Variants in ROR1 observed in about 807,000 individuals in gnomAD.
The protein encoded by ROR1 is inactive tyrosine-protein kinase transmembrane receptor ROR1.
A neutral mutation model predicts 78.8 loss-of-function variants in ROR1; 19 were observed. The ratio of observed to expected loss-of-function variants is 0.24; its 90% CI spans 0.17 to 0.35. The LOEUF (loss-of-function observed/expected upper bound fraction) is 0.35. Ranked by LOEUF, ROR1 falls within the 10% of genes least tolerant of loss-of-function variation. The pLI is 1.00. For synonymous variants in ROR1, 386 were observed against 433.6 expected (o/e 0.89, Z 1.36); for missense variants, 917 against 1,177.8 (o/e 0.78, Z 3.24).
chr1:63,977,883 A>G (rs1447786838), intron 1 of ROR1, among the ~76,000 whole-genome samples: 1 of 152,172 alleles, frequency 6.6e-6, no homozygotes, highest in African/African-American at 2.4e-5. Flanking sequence ...TAGAAGGAAA[A>G]TATTTGTATC....
intron 4 of ROR1, among the ~76,000 whole-genome samples, chr1:64,067,835 C>A (rs1460896794): frequency 6.6e-6 from 1 of 151,588 alleles, no homozygotes. Flanking sequence ...GCCTCAGCCT[C>A]CTGAGTAGCT....
At chr1:63,852,209 C>G (rs945593919) in intron 1 of ROR1, among the ~76,000 whole-genome samples, 1 of 152,264 alleles carries the variant, frequency 6.6e-6, no homozygotes, top group East Asian at 1.9e-4. Flanking sequence ...GAAACTTGCC[C>G]CATATGCACA....
At chr1:64,046,343 C>T (rs560380939) in intron 2 of ROR1, among the ~76,000 whole-genome samples, 1 of 151,010 alleles carries the variant, frequency 6.6e-6, no homozygotes, top group Non-Finnish European at 1.5e-5. Context: ...AAATTTGAAA[C>T]TTCTTCTTCG....
chr1:63,923,346 T>C (rs1296842343), intron 1 of ROR1, among the ~76,000 whole-genome samples: 1 of 152,112 alleles, frequency 6.6e-6, no homozygotes, highest in African/African-American at 2.4e-5. Context: ...CTCAATGTCT[T>C]TGAGTCTCAG....
intron 1 of ROR1, among the ~76,000 whole-genome samples, chr1:63,805,750 C>T (rs1227991199): frequency 2.0e-5 from 3 of 152,214 alleles, no homozygotes; most frequent in Non-Finnish European, 2.9e-5. Flanking sequence ...TACAGTGGCT[C>T]ATGCCTGTAA....
At chr1:63,910,742 A>G (rs1176495308) in intron 1 of ROR1, among the ~76,000 whole-genome samples, 1 of 152,138 alleles carries the variant, frequency 6.6e-6, no homozygotes, top group Non-Finnish European at 1.5e-5. Context: ...TGGTTCATCC[A>G]TGTGACTCCC....
rs1243979657 is a variant in ROR1 at position 63,857,156 on chromosome 1, AG to A, written c.91+82649del. Among the ~76,000 whole-genome samples, 27 of 140,524 alleles carry A rather than the reference AG, an allele frequency of 1.9e-4. No individual in the cohort carries two copies. In the South Asian group the frequency reaches 5.0e-3, roughly 26 times the overall value. 92.2% of individuals were successfully genotyped at this position (140,524 alleles called of 152,430 possible). ...TATCTGTTGTTGAACAACTTTCAGA[AG>A]TTTTTTTTTTTTTTTACAGAAATGA... On this transcript the variant is annotated intron_variant, in intron 1 of 8. Coordinates refer to ENST00000371079, the MANE Select transcript of ROR1 (RefSeq NM_005012.4).
At chr1:64,115,927 A>G (rs1242009443) in intron 4 of ROR1, among the ~76,000 whole-genome samples, 1 of 152,220 alleles carries the variant, frequency 6.6e-6, no homozygotes, top group Non-Finnish European at 1.5e-5. Flanking sequence ...ACACCTGCCA[A>G]TAAATGGTCA....
chr1:63,976,464 A>G (rs1646161585), intron 1 of ROR1, among the ~76,000 whole-genome samples: 1 of 152,226 alleles, frequency 6.6e-6, no homozygotes, highest in Admixed American at 6.5e-5. Context: ...ATATTGCTCC[A>G]GGTAATGCCA....
intron 1 of ROR1, among the ~76,000 whole-genome samples, chr1:63,998,415 T>A (rs1014176045): frequency 6.6e-6 from 1 of 152,190 alleles, no homozygotes; most frequent in African/African-American, 2.4e-5. Context: ...AGCATCCTTC[T>A]GTTTGAGGTC....
intron 2 of ROR1, among the ~76,000 whole-genome samples, chr1:64,027,806 G>A (rs1646626410): frequency 6.6e-6 from 1 of 151,756 alleles, no homozygotes; most frequent in Non-Finnish European, 1.5e-5. Context: ...TCCTGCCTCA[G>A]CCTCCTGAGT....
At chr1:64,031,115 G>A (rs1040800805) in intron 2 of ROR1, among the ~76,000 whole-genome samples, 1 of 152,090 alleles carries the variant, frequency 6.6e-6, no homozygotes, top group African/African-American at 2.4e-5. Flanking sequence ...CAACCCGCCC[G>A]CCTCTGCCTC....
intron 1 of ROR1, among the ~76,000 whole-genome samples, chr1:63,876,685 C>T (rs376628818): frequency 2.1e-4 from 26 of 120,966 alleles, no homozygotes; most frequent in East Asian, 6.5e-4. Context: ...TGTGTGTGCG[C>T]GTGTGTGTGT....
intron 1 of ROR1, among the ~76,000 whole-genome samples, chr1:63,942,439 T>C (rs1233200959): frequency 6.6e-6 from 1 of 152,206 alleles, no homozygotes; most frequent in African/African-American, 2.4e-5. Context: ...TGTACCATTT[T>C]TTTTTCATAT....
chr1:64,044,483 G>GA (rs200697362), intron 2 of ROR1, among the ~76,000 whole-genome samples: 24 of 150,276 alleles, frequency 1.6e-4, no homozygotes, highest in South Asian at 2.1e-4. Context: ...TAGTTGAAAA[G>GA]AAAAAAAAAG....
chr1:63,887,616 T>C (rs1452614030), intron 1 of ROR1, among the ~76,000 whole-genome samples: 2 of 152,176 alleles, frequency 1.3e-5, no homozygotes, highest in Non-Finnish European at 2.9e-5. Context: ...TCTATCACCA[T>C]AGTTTATACA....
chr1:64,068,779 A>G (rs1646978297), intron 4 of ROR1, among the ~76,000 whole-genome samples: 1 of 152,144 alleles, frequency 6.6e-6, no homozygotes, highest in Admixed American at 6.5e-5. Flanking sequence ...TGACAGATGT[A>G]GGAGATTATA....
chr1:64,076,326 G>A (rs1380380466), intron 4 of ROR1, among the ~76,000 whole-genome samples: 1 of 152,128 alleles, frequency 6.6e-6, no homozygotes, highest in Non-Finnish European at 1.5e-5. Context: ...ACAAAGCTAA[G>A]GGCAAAGGTG....
chr1:63,903,890 G>C (rs1045443590), intron 1 of ROR1, among the ~76,000 whole-genome samples: 21 of 152,046 alleles, frequency 1.4e-4, no homozygotes, highest in Admixed American at 1.3e-3. Flanking sequence ...CATGAGACCA[G>C]GGAGAATGAC....
Sources: allele counts gnomAD v4.1 joint callset (sites outside exome capture counted in the v4.1 genomes callset), GRCh38; gene constraint gnomAD v4.1.1; transcripts MANE v1.5; gene names NCBI Gene and HGNC (gene_info 2026-07-23, HGNC 2026-07-21).